CADPS: variants seen among roughly 807,000 people sequenced by gnomAD.
The protein encoded by CADPS is calcium-dependent secretion activator 1.
A neutral mutation model predicts 167.3 loss-of-function variants in CADPS; 57 were observed. The observed-to-expected ratio is 0.34, with a 90% CI of 0.28 to 0.42. The LOEUF is 0.42. CADPS is among the 20% of genes least tolerant of loss of function. The pLI, the probability that CADPS is intolerant of heterozygous loss-of-function variation, is 1.00. For missense variants in CADPS, 1,414 were observed against 1,738.1 expected (o/e 0.81, Z 3.32); for synonymous variants, 676 against 635.3 (o/e 1.06, Z -0.96).
chr3:62,854,531 A>G (rs1392577178), intron 1 of CADPS, among the ~76,000 whole-genome samples: 1 of 152,260 alleles, frequency 6.6e-6, no homozygotes, highest in African/African-American at 2.4e-5. Context: ...CCATATTACA[A>G]TGAGGAAAGT....
chr3:62,489,362 G>A (rs370623424), intron 21 of CADPS, among the ~76,000 whole-genome samples: 5 of 152,092 alleles, frequency 3.3e-5, no homozygotes, highest in African/African-American at 4.8e-5. Flanking sequence ...GGGTTTCACC[G>A]TGTTAGCCAG....
intron 22 of CADPS, among the ~76,000 whole-genome samples, chr3:62,479,175 G>T (rs140586116): frequency 4.6e-5 from 7 of 152,330 alleles, no homozygotes; most frequent in African/African-American, 1.7e-4. Context: ...ATCTTACCCA[G>T]TCCTGTGTGC....
Position 62,438,205 on chromosome 3 carries a change from C to T in CADPS, c.3676G>A (p.Gly1226Arg), listed in dbSNP as rs566247034. Residue 1226 changes from glycine (G) to arginine (R), a missense_variant, in exon 28 of 30, where the codon GGG becomes AGG. Physicochemically the swap from Gly to Arg is moderately radical, Grantham distance 125. Transcript: ENST00000383710. The surrounding 1 kb of genome is among the most constrained non-coding windows in gnomAD (Gnocchi z 4.7). ...ACGTAGGCGTCGGCCACGTCCATCC[C>T]GGGTTTCTGTAAAGAAACAGGAAAA... is the stretch of plus-strand genomic sequence containing the variant. Reference protein sequence around the residue: ...ASKYVDVPKPGMDVADAYVTF... With the variant: ...ASKYVDVPKPRMDVADAYVTF... The T allele has an allele frequency of 5.0e-6, 8 of 1,612,886 alleles. No homozygotes were observed. The highest frequency in any genetic ancestry group is 4.4e-5 in the South Asian group (4 of 91,022).
At chr3:62,836,739 TGGA>T (rs1370490868) in intron 1 of CADPS, among the ~76,000 whole-genome samples, 1 of 152,166 alleles carries the variant, frequency 6.6e-6, no homozygotes, top group Non-Finnish European at 1.5e-5. Flanking sequence ...CTGAAGGCTG[TGGA>T]GAAGCTTCTG....
intron 1 of CADPS, among the ~76,000 whole-genome samples, chr3:62,844,904 G>C (rs2077169220): frequency 6.6e-6 from 1 of 152,148 alleles, no homozygotes; most frequent in African/African-American, 2.4e-5. Context: ...AAAGGAGCTT[G>C]TTGAAAAAAT....
At chr3:62,647,954 C>T (rs1405685240) in intron 5 of CADPS, among the ~76,000 whole-genome samples, 1 of 152,170 alleles carries the variant, frequency 6.6e-6, no homozygotes, top group Non-Finnish European at 1.5e-5. Context: ...TGCCCTTTGT[C>T]CTTTGCCCAA....
intron 3 of CADPS, among the ~76,000 whole-genome samples, chr3:62,752,413 T>C (rs558104468): frequency 5.3e-5 from 8 of 152,358 alleles, no homozygotes; most frequent in Non-Finnish European, 4.4e-5. Flanking sequence ...TGTTGTATTA[T>C]GAAATGCTAA....
At chr3:62,578,372 A>T (rs753102362) in intron 8 of CADPS, among the ~76,000 whole-genome samples, 79 of 152,184 alleles carry the variant, frequency 5.2e-4, no homozygotes, top group Non-Finnish European at 1.0e-3. Context: ...GCACTTTGGG[A>T]GGCTGAGGCA....
intron 1 of CADPS, among the ~76,000 whole-genome samples, chr3:62,853,125 G>GA (rs1311845745): frequency 6.6e-6 from 1 of 152,074 alleles, no homozygotes; most frequent in Non-Finnish European, 1.5e-5. Flanking sequence ...ATTCCTAAGT[G>GA]AACAGTAGGA....
chr3:62,505,939 G>A (rs2066601467), intron 17 of CADPS, among the ~76,000 whole-genome samples: 1 of 152,104 alleles, frequency 6.6e-6, no homozygotes, highest in Non-Finnish European at 1.5e-5. Context: ...AATGCTCTGT[G>A]TTTTCAGTAT....
intron 13 of CADPS, among the ~76,000 whole-genome samples, chr3:62,519,211 T>G (rs988486152): frequency 3.3e-5 from 5 of 152,200 alleles, no homozygotes; most frequent in Non-Finnish European, 7.3e-5. Flanking sequence ...GTTTGCAGAT[T>G]GGTGTGTCAC....
intron 6 of CADPS, 29 bp from the exon 7 acceptor site, chr3:62,592,777 A>C: frequency 6.5e-7 from 1 of 1,527,236 alleles, no homozygotes; most frequent in East Asian, 2.3e-5. Context: ...AGGTCATTGT[A>C]GACATATCTG....
intron 1 of CADPS, among the ~76,000 whole-genome samples, chr3:62,790,806 G>A (rs944833503): frequency 6.6e-6 from 1 of 152,124 alleles, no homozygotes. Context: ...GCTACACATG[G>A]AGAAAAGTCA....
intron 8 of CADPS, among the ~76,000 whole-genome samples, 185 bp downstream of exon 8, chr3:62,585,000 T>A (rs914287369): frequency 1.3e-5 from 2 of 152,250 alleles, no homozygotes; most frequent in Non-Finnish European, 2.9e-5. Flanking sequence ...ACAGCAAAAA[T>A]GCAAATACAG....
intron 3 of CADPS, among the ~76,000 whole-genome samples, chr3:62,672,337 G>C (rs779863831): frequency 1.3e-5 from 2 of 152,118 alleles, no homozygotes; most frequent in East Asian, 3.9e-4. Context: ...ATTTAACTCA[G>C]GCTTTGCAAG....
intron 3 of CADPS, among the ~76,000 whole-genome samples, chr3:62,700,946 G>C (rs34213523): frequency 0.079 from 12,075 of 152,144 alleles, 634 homozygotes; most frequent in Non-Finnish European, 0.12. Flanking sequence ...AGGATCTGGT[G>C]AGTGCCCCCT....
intron 1 of CADPS, among the ~76,000 whole-genome samples, chr3:62,768,729 A>G (rs142545365): frequency 9.2e-5 from 14 of 152,288 alleles, no homozygotes; most frequent in African/African-American, 3.4e-4. Context: ...AAAGGCAAAC[A>G]AAAAAGCACA....
intron 1 of CADPS, among the ~76,000 whole-genome samples, chr3:62,804,339 G>A (rs1006514579): frequency 6.6e-6 from 1 of 152,024 alleles, no homozygotes; most frequent in African/African-American, 2.4e-5. Context: ...TGAGGCCAAG[G>A]GTATTCTATT....
intron 6 of CADPS, among the ~76,000 whole-genome samples, chr3:62,621,449 C>T (rs754617976): frequency 1.3e-5 from 2 of 151,952 alleles, no homozygotes; most frequent in African/African-American, 4.8e-5. Flanking sequence ...CACCACAAGC[C>T]CCAAAGTCCT....
Sources: gnomAD v4.1 joint callset for allele counts (sites outside exome capture counted in the v4.1 genomes callset) on GRCh38, gnomAD v4.1.1 for gene constraint, Gnocchi (gnomAD v3.1) non-coding constraint, MANE v1.5 for transcripts, NCBI Gene and HGNC (gene_info 2026-07-23, HGNC 2026-07-21) for gene names.